The following TMEM132C variants were observed in gnomAD, a reference collection of about 807,000 sequenced individuals.
TMEM132C encodes protein phosphatase 1, regulatory subunit 152.
A neutral mutation model predicts 61.4 loss-of-function variants in TMEM132C; 29 were observed. That is an observed-to-expected ratio of 0.47 (90% confidence interval 0.35 to 0.64). The LOEUF is 0.64. Among genes scored for constraint, TMEM132C ranks in the 30% least tolerant of loss-of-function variants. The probability of loss-of-function intolerance (pLI) is 0.00; values close to 1 mark genes in which losing one functional copy is unlikely to be tolerated. For synonymous variants in TMEM132C, 656 were observed against 633.1 expected (o/e 1.04, Z -0.54); for missense variants, 1,408 against 1,476.9 (o/e 0.95, Z 0.76).
At chr12:128,517,739 C>T (rs1197950990) in intron 2 of TMEM132C, among the ~76,000 whole-genome samples, 1 of 152,108 alleles carries the variant, frequency 6.6e-6, no homozygotes, top group Non-Finnish European at 1.5e-5. Context: ...TAAAATTCTC[C>T]AAGCTTTACC....
At chr12:128,614,093 C>A (rs931929190) in intron 3 of TMEM132C, among the ~76,000 whole-genome samples, 1 of 152,130 alleles carries the variant, frequency 6.6e-6, no homozygotes, top group Non-Finnish European at 1.5e-5. Flanking sequence ...AGAACCCTGG[C>A]CCCCCTACAA....
At chr12:128,314,501 T>TC (rs1308834432) in intron 1 of TMEM132C, among the ~76,000 whole-genome samples, 1 of 152,210 alleles carries the variant, frequency 6.6e-6, no homozygotes, top group Non-Finnish European at 1.5e-5. Flanking sequence ...ACAGTGTCCC[T>TC]CCAAATTCAC....
At chr12:128,580,345 TG>T (rs905746276) in intron 3 of TMEM132C, among the ~76,000 whole-genome samples, 2 of 152,004 alleles carry the variant, frequency 1.3e-5, no homozygotes, top group African/African-American at 2.4e-5. Context: ...GGCATGAACC[TG>T]GGAGGTGGAG....
intron 1 of TMEM132C, among the ~76,000 whole-genome samples, chr12:128,291,898 C>T (rs756220901): frequency 6.6e-6 from 1 of 152,200 alleles, no homozygotes; most frequent in Non-Finnish European, 1.5e-5. Flanking sequence ...GCAGTGATGG[C>T]CAGGGCGTCT....
chr12:128,474,847 C>T (rs1220987266), intron 2 of TMEM132C, among the ~76,000 whole-genome samples: 1 of 152,112 alleles, frequency 6.6e-6, no homozygotes, highest in African/African-American at 2.4e-5. Context: ...AACAACCTGC[C>T]CCTTTCTTAA....
At chr12:128,291,047 C>T (rs922881274) in intron 1 of TMEM132C, among the ~76,000 whole-genome samples, 1 of 152,116 alleles carries the variant, frequency 6.6e-6, no homozygotes, top group African/African-American at 2.4e-5. Context: ...TAGGTGAGTG[C>T]ACCATCCTCC....
At chr12:128,273,675 A>G (rs1262839584) in intron 1 of TMEM132C, among the ~76,000 whole-genome samples, 2 of 151,986 alleles carry the variant, frequency 1.3e-5, no homozygotes, top group African/African-American at 4.8e-5. Context: ...TATCTCCACT[A>G]TTGGCTTATT....
intron 3 of TMEM132C, among the ~76,000 whole-genome samples, chr12:128,585,940 A>G (rs1208979796): frequency 1.3e-5 from 2 of 152,206 alleles, no homozygotes; most frequent in African/African-American, 4.8e-5. Context: ...TTAGTTTTAC[A>G]AGATGAAAGT....
intron 3 of TMEM132C, among the ~76,000 whole-genome samples, chr12:128,550,439 A>G (rs7958570): frequency 0.029 from 4,440 of 152,114 alleles, 259 homozygotes; most frequent in African/African-American, 0.1. Flanking sequence ...CAAGTAGCTG[A>G]GACTACAGGC....
At chr12:128,546,545 G>GT (rs1262825700) in intron 3 of TMEM132C, among the ~76,000 whole-genome samples, 4 of 152,136 alleles carry the variant, frequency 2.6e-5, no homozygotes, top group Non-Finnish European at 5.9e-5. Flanking sequence ...GGTAAGCATT[G>GT]TGCATGAGTT....
Position 128,415,132 on chromosome 12 carries a change from C to T in TMEM132C, c.486C>T (p.Gly162=), listed in dbSNP as rs746680408. 16 of 1,609,416 alleles carry T rather than the reference C, an allele frequency of 9.9e-6. No individual in the cohort carries two copies. Among genetic ancestry groups the T allele is most frequent in the East Asian group, 4.5e-5 (2 of 44,590 alleles). Residue 162 remains glycine, a synonymous_variant, in exon 2 of 9, where the codon GGC becomes GGT. Coordinates refer to ENST00000435159, the MANE Select transcript of TMEM132C (RefSeq NM_001136103.3). The surrounding 1 kb of genome is among the most constrained non-coding windows in gnomAD (Gnocchi z 5.8). ...TGGGCAGAGACTGGGATGACCACGGCGCCGGGGAGAAGCTGCCATGCCTGA... is the reference window on the plus strand; with the variant it reads ...TGGGCAGAGACTGGGATGACCACGGTGCCGGGGAGAAGCTGCCATGCCTGA... ...HIMGRDWDDH[G]AGEKLPCLRV... is the part of the protein sequence containing the mutation.
chr12:128,653,623 C>A (rs533317071), intron 4 of TMEM132C, among the ~76,000 whole-genome samples: 1 of 152,294 alleles, frequency 6.6e-6, no homozygotes, highest in East Asian at 1.9e-4. Context: ...GTTCATTACA[C>A]TTCCTGTAAA....
intron 2 of TMEM132C, among the ~76,000 whole-genome samples, chr12:128,517,743 C>A (rs183568758): frequency 1.3e-5 from 2 of 152,236 alleles, no homozygotes; most frequent in African/African-American, 4.8e-5. Flanking sequence ...ATTCTCCAAG[C>A]TTTACCCAGC....
chr12:128,309,924 C>T (rs1378365061), intron 1 of TMEM132C, among the ~76,000 whole-genome samples: 2 of 151,914 alleles, frequency 1.3e-5, no homozygotes, highest in Non-Finnish European at 2.9e-5. Context: ...TTAGTAGAGA[C>T]GGGGTTTCAC....
At chr12:128,605,173 G>A (rs1017207475) in intron 3 of TMEM132C, among the ~76,000 whole-genome samples, 2 of 150,478 alleles carry the variant, frequency 1.3e-5, no homozygotes, top group African/African-American at 5.0e-5. Context: ...TGAGGAGTTG[G>A]CTCATGCAAT....
intron 2 of TMEM132C, among the ~76,000 whole-genome samples, chr12:128,523,064 A>G (rs1872960607): frequency 6.6e-6 from 1 of 152,190 alleles, no homozygotes; most frequent in South Asian, 2.1e-4. Flanking sequence ...ACAATGGAAT[A>G]TTATTCAGCC....
intron 1 of TMEM132C, among the ~76,000 whole-genome samples, chr12:128,308,402 G>T (rs1479801379): frequency 6.6e-6 from 1 of 150,994 alleles, no homozygotes; most frequent in South Asian, 2.1e-4. Flanking sequence ...TGCATTTCTT[G>T]TTCCACATTC....
chr12:128,301,756 T>C (rs1566048564), intron 1 of TMEM132C, among the ~76,000 whole-genome samples: 1 of 152,164 alleles, frequency 6.6e-6, no homozygotes, highest in Non-Finnish European at 1.5e-5. Context: ...GACTAAGGTA[T>C]TGTATTAGTC....
intron 2 of TMEM132C, among the ~76,000 whole-genome samples, chr12:128,522,710 G>A (rs1329457036): frequency 2.6e-5 from 4 of 152,160 alleles, no homozygotes; most frequent in Non-Finnish European, 5.9e-5. Context: ...TATCCAAAAT[G>A]ATTACTGAGA....
Sources: allele counts gnomAD v4.1 joint callset (sites outside exome capture counted in the v4.1 genomes callset), GRCh38; gene constraint gnomAD v4.1.1; non-coding constraint Gnocchi (gnomAD v3.1); transcripts MANE v1.5; gene names NCBI Gene and HGNC (gene_info 2026-07-23, HGNC 2026-07-21).